ARAP1: variants seen among roughly 807,000 people sequenced by gnomAD.
The protein encoded by ARAP1 is arf-GAP with Rho-GAP domain, ANK repeat and PH domain-containing protein 1.
Under a neutral mutation model 172.2 loss-of-function variants are expected in ARAP1, and 76 were observed. The ratio of observed to expected loss-of-function variants is 0.44; its 90% confidence interval spans 0.37 to 0.53. The LOEUF is 0.53. ARAP1 is among the 20% of genes least tolerant of loss of function. ARAP1 has a pLI of 0.00. For missense variants in ARAP1, 1,686 were observed against 1,977.5 expected (o/e 0.85, Z 2.80); for synonymous variants, 804 against 803.3 (o/e 1.00, Z -0.01).
At chr11:72,703,750 A>C (rs1466911443) in intron 14 of ARAP1, 1 of 193,102 alleles carries the variant, frequency 5.2e-6, no homozygotes, top group African/African-American at 2.4e-5. Context: ...CCTGGGGCCC[A>C]TGCGGGGCCT....
chr11:72,729,101 CAG>C (rs2135575143), intron 2 of ARAP1, among the ~76,000 whole-genome samples: 1 of 152,234 alleles, frequency 6.6e-6, no homozygotes, highest in South Asian at 2.1e-4. Context: ...TTAAACAGAA[CAG>C]AAAGTTCAAA....
At position 72,752,356 on chromosome 11, in the gene ARAP1, A is replaced by T. The variant is rs543613549; in HGVS notation, c.-156T>A. ...TTTTGAGTAAAGACTCCACGCGGGG[A>T]CCAGGCGTACCGGCGCCGCCACCGA... is the stretch of plus-strand genomic sequence containing the variant. On this transcript the variant is annotated 5_prime_UTR_variant, in exon 1 of 35. Coordinates refer to ENST00000393609, the MANE Select transcript of ARAP1 (RefSeq NM_001040118.3). 5.7e-3 allele frequency: 872 copies of T among 152,254 alleles called. 5 individuals carry two copies. The highest frequency in any genetic ancestry group is 0.04 in the Middle Eastern group (12 of 298). The allele number at this position is 152,254 out of a possible 1,614,324, so 9.4% of individuals were successfully genotyped here. A position where few individuals can be genotyped will look rare whatever the true frequency, so the allele number is the denominator to read the frequency against.
chr11:72,723,754 C>T (rs1202097828), intron 3 of ARAP1, among the ~76,000 whole-genome samples: 4 of 152,318 alleles, frequency 2.6e-5, no homozygotes, highest in Admixed American at 6.5e-5. Context: ...CTCACCCACA[C>T]GATATACTTC....
rs548913889 is a variant in ARAP1, at chr11:72,732,259, A to T, written c.-45+256T>A. On this transcript the variant is annotated intron_variant, in intron 2 of 34. Transcript: ENST00000393609. ...GAATCCAGTGAGGAGATACATAAAC[A>T]CAGACCTGCAATTCAGCCTGCTGGC... 5.3e-5 allele frequency among the ~76,000 whole-genome samples: 8 copies of T among 152,330 alleles called. No homozygotes were observed. In the South Asian group the frequency reaches 1.4e-3, roughly 28 times the overall value.
chr11:72,725,472 C>T lies in ARAP1; in HGVS notation c.509+1148G>A, dbSNP rs547098580. ...TCCTGGAGAGACCCTATACCTGTTA[C>T]GAGTTGTGTGAACCCAGGAAGAGCA... On this transcript the variant is annotated intron_variant, in intron 3 of 34. Coordinates refer to ENST00000393609, the MANE Select transcript of ARAP1 (RefSeq NM_001040118.3). The surrounding 1 kb of genome is among the most constrained non-coding windows in gnomAD (Gnocchi z 4.3). Among the ~76,000 whole-genome samples, 11 of 152,182 alleles carry T rather than the reference C, an allele frequency of 7.2e-5. No individual in the cohort carries two copies. The highest frequency in any genetic ancestry group is 2.2e-4 in the African/African-American group (9 of 41,512).
intron 30 of ARAP1, chr11:72,689,442 C>T (rs1343258659): frequency 6.6e-6 from 1 of 152,376 alleles, no homozygotes; most frequent in Non-Finnish European, 1.5e-5. Context: ...GGGGGATTCA[C>T]TTACAACCGA....
At position 72,726,751 on chromosome 11, in the gene ARAP1, G is replaced by A. The variant is rs1232292531; in HGVS notation, c.378C>T (p.Pro126=). The A allele has an allele frequency of 1.9e-6, 3 of 1,548,866 alleles. No individual in the cohort carries two copies. Among genetic ancestry groups the A allele is most frequent in the South Asian group, 1.2e-5 (1 of 83,958 alleles). Reference sequence around the variant, plus strand: ...CTGTGGATGGGGTGGTGAAGCAGGTGGGCGGAAGGCAGCTCCTCCGGGGCG... The same window carrying A: ...CTGTGGATGGGGTGGTGAAGCAGGTAGGCGGAAGGCAGCTCCTCCGGGGCG... ...PIPPRRSCLP[P]TCFTTPSTAA... The change falls in exon 3 of 35, where the codon CCC becomes CCT. Residue 126 remains proline, a synonymous_variant. Transcript: ENST00000393609. This position sits in a 1 kb window ranked among gnomAD's most constrained non-coding sequence, Gnocchi z 6.5.
Position 72,697,062 on chromosome 11 carries a change from C to G in ARAP1, c.3087G>C (p.Ser1029=), listed in dbSNP as rs1239812666. ...EGEQHVDDVS[S]ALKRFLRDLP... ...GGTCGCGCAGGAAGCGCTTGAGCGCCGAGGAAACATCATCCACGTGCTGCT... is the reference window on the plus strand; with the variant it reads ...GGTCGCGCAGGAAGCGCTTGAGCGCGGAGGAAACATCATCCACGTGCTGCT... The change falls in exon 22 of 35, where the codon TCG becomes TCC. Residue 1029 remains serine (S), a synonymous_variant. Transcript: ENST00000393609. 12 of 1,610,192 alleles carry G rather than the reference C, an allele frequency of 7.5e-6. No homozygotes were observed. Among genetic ancestry groups the G allele is most frequent in the African/African-American group, 1.3e-5 (1 of 74,938 alleles).
At chr11:72,686,288 G>A in intron 33 of ARAP1, 97 bp from the exon 34 acceptor site, 1 of 1,450,258 alleles carries the variant, frequency 6.9e-7, no homozygotes, top group Non-Finnish European at 9.3e-7. Flanking sequence ...CTCCAGCTGT[G>A]GTCTGAGATG....
At chr11:72,747,499 G>A (rs1365420653) in intron 1 of ARAP1, among the ~76,000 whole-genome samples, 1 of 152,170 alleles carries the variant, frequency 6.6e-6, no homozygotes, top group Non-Finnish European at 1.5e-5. Flanking sequence ...ACAAGGCAGT[G>A]TGGGCAGGGT....
At position 72,707,294 on chromosome 11, in the gene ARAP1, G is replaced by A. The variant is rs147470883; in HGVS notation, c.1604C>T (p.Ser535Leu). 1.5e-5 allele frequency: 24 copies of A among 1,613,668 alleles called. No homozygotes were observed. The highest frequency in any genetic ancestry group is 2.2e-5 in the East Asian group (1 of 44,902). The change falls in exon 12 of 35, where the codon TCG becomes TTG. Residue 535 changes from serine to leucine, a missense_variant. Around this residue, in one of 5 missense-constraint regions of ARAP1, gnomAD observed 688 missense variants for 856.9 expected, o/e 0.80. Coordinates refer to ENST00000393609, the MANE Select transcript of ARAP1 (RefSeq NM_001040118.3). ...QGAIAEALST[S>L]EVAERIWAAA... is the part of the protein sequence containing the mutation. ...AGCCCAGATGCGCTCGGCCACCTCC[G>A]AGGTAGACAGGGCCTCAGCGATGGC...
intron 3 of ARAP1, among the ~76,000 whole-genome samples, chr11:72,716,208 A>T (rs1023447694): frequency 6.6e-6 from 1 of 151,922 alleles, no homozygotes; most frequent in African/African-American, 2.4e-5. Flanking sequence ...TCTTCATACA[A>T]ATTATTCTAA....
In ARAP1 at chr11:72,695,987, A is replaced by G; in HGVS notation, c.3273-122T>C. 7.9e-7 allele frequency: 1 copy of G among 1,262,500 alleles called. No individual in the cohort carries two copies. The highest frequency in any genetic ancestry group is 1.1e-6 in the Non-Finnish European group (1 of 939,742). 78.2% of individuals were successfully genotyped at this position (1,262,500 alleles called of 1,614,324 possible). ...AGAGGGGACCACTGTTTAACAGGGT[A>G]GGAACAGTTTTTCTGGCCATATCTT... On this transcript the variant is annotated intron_variant, in intron 23 of 34. Coordinates refer to ENST00000393609, the MANE Select transcript of ARAP1 (RefSeq NM_001040118.3). This position sits in a 1 kb window ranked among gnomAD's most constrained non-coding sequence, Gnocchi z 4.4.
chr11:72,751,749 C>T (rs1366943232), intron 1 of ARAP1, among the ~76,000 whole-genome samples: 2 of 152,082 alleles, frequency 1.3e-5, no homozygotes, highest in Non-Finnish European at 2.9e-5. Context: ...AACACCCATC[C>T]CCTGCCCCCA....
Position 72,693,615 on chromosome 11 carries a change from C to T in ARAP1, c.3808+77G>A. On this transcript the variant is annotated intron_variant, in intron 28 of 34. Coordinates refer to ENST00000393609, the MANE Select transcript of ARAP1 (RefSeq NM_001040118.3). This position sits in a 1 kb window ranked among gnomAD's most constrained non-coding sequence, Gnocchi z 4.6. ...CGCCCTCTGTCTGAGCTGTTCCTAC[C>T]TGGCACCACCAGGTCCCACCCTGGC... 4 of 1,532,444 alleles carry T rather than the reference C, an allele frequency of 2.6e-6. No homozygotes were observed. Among genetic ancestry groups the T allele is most frequent in the Non-Finnish European group, 3.5e-6 (4 of 1,133,046 alleles). 94.9% of individuals were successfully genotyped at this position (1,532,444 alleles called of 1,614,324 possible).
At chr11:72,724,736 G>A (rs1405064532) in intron 3 of ARAP1, among the ~76,000 whole-genome samples, 1 of 152,194 alleles carries the variant, frequency 6.6e-6, no homozygotes, top group Non-Finnish European at 1.5e-5. Flanking sequence ...AGGAAGCCAG[G>A]CTTGGTAGCT....
intron 1 of ARAP1, among the ~76,000 whole-genome samples, chr11:72,733,026 G>C (rs891046516): frequency 1.3e-5 from 2 of 152,112 alleles, no homozygotes; most frequent in African/African-American, 2.4e-5. Context: ...AGAGGTGGAA[G>C]AAGAGGAAGA....
intron 31 of ARAP1, 39 bp from the exon 32 acceptor site, chr11:72,687,777 G>A (rs1166539169): frequency 6.2e-7 from 1 of 1,611,478 alleles, no homozygotes; most frequent in East Asian, 2.2e-5. Context: ...TGTTTGACAG[G>A]CCATAGAGGC....
intron 1 of ARAP1, among the ~76,000 whole-genome samples, chr11:72,743,447 C>T (rs994280470): frequency 6.6e-6 from 1 of 151,654 alleles, no homozygotes; most frequent in African/African-American, 2.4e-5. Flanking sequence ...CACACGGAGG[C>T]AAGAAGAGGG....
Sources: gnomAD v4.1 joint callset for allele counts (sites outside exome capture counted in the v4.1 genomes callset) on GRCh38, gnomAD v4.1.1 for gene constraint, gnomAD v4.1.1 regional missense constraint, Gnocchi (gnomAD v3.1) non-coding constraint, MANE v1.5 for transcripts, NCBI Gene and HGNC (gene_info 2026-07-23, HGNC 2026-07-21) for gene names.